TRDN: variants seen among roughly 807,000 people sequenced by gnomAD.
TRDN encodes the protein triadin.
A neutral mutation model predicts 149.7 loss-of-function variants in TRDN; 161 were observed. The ratio of observed to expected loss-of-function variants is 1.08; its 90% CI spans 0.95 to 1.23. The LOEUF is 1.23. Among genes scored for constraint, TRDN ranks in the 50% most tolerant of loss-of-function variants. The pLI is 0.00. For missense variants in TRDN, 896 were observed against 823.5 expected (o/e 1.09, Z -1.08); for synonymous variants, 294 against 250.5 (o/e 1.17, Z -1.64).
At chr6:123,597,846 A>G (rs1277639737) in intron 1 of TRDN, among the ~76,000 whole-genome samples, 2 of 151,954 alleles carry the variant, frequency 1.3e-5, no homozygotes, top group Non-Finnish European at 2.9e-5. Flanking sequence ...TAACTTTTAT[A>G]TGTACTGGGA....
chr6:123,635,719 C>A (rs1280459790), intron 1 of TRDN, among the ~76,000 whole-genome samples: 18 of 151,848 alleles, frequency 1.2e-4, no homozygotes, highest in Admixed American at 1.1e-3. Flanking sequence ...TTATTCAAAG[C>A]AAACCAGCAC....
chr6:123,540,838 G>A (rs998045081), intron 4 of TRDN, among the ~76,000 whole-genome samples: 1 of 152,196 alleles, frequency 6.6e-6, no homozygotes, highest in Non-Finnish European at 1.5e-5. Flanking sequence ...GGTCTCTCAT[G>A]AGCAAAAGAG....
At chr6:123,461,580 G>A (rs912757577) in intron 10 of TRDN, among the ~76,000 whole-genome samples, 1 of 152,128 alleles carries the variant, frequency 6.6e-6, no homozygotes, top group East Asian at 1.9e-4. Flanking sequence ...ATCTGGTATT[G>A]TTGATTAAAG....
intron 23 of TRDN, among the ~76,000 whole-genome samples, chr6:123,329,163 G>A (rs1261979031): frequency 1.3e-5 from 2 of 152,074 alleles, no homozygotes; most frequent in Admixed American, 6.6e-5. Context: ...AGTCCTGAAC[G>A]ACATTTTTAT....
At chr6:123,291,695 C>T (rs1778018746) in intron 24 of TRDN, among the ~76,000 whole-genome samples, 1 of 152,052 alleles carries the variant, frequency 6.6e-6, no homozygotes, top group Admixed American at 6.6e-5. Flanking sequence ...TAAAAACTTG[C>T]TATGATTAAA....
intron 19 of TRDN, among the ~76,000 whole-genome samples, chr6:123,374,522 A>C (rs1781434870): frequency 6.6e-6 from 1 of 152,192 alleles, no homozygotes; most frequent in Non-Finnish European, 1.5e-5. Context: ...ATTCATGTTA[A>C]ACCTCTCTTG....
chr6:123,507,482 C>T (rs1023720692), intron 7 of TRDN, among the ~76,000 whole-genome samples: 1 of 151,958 alleles, frequency 6.6e-6, no homozygotes, highest in Non-Finnish European at 1.5e-5. Context: ...AACTTTGCCT[C>T]ATAGTAGAAA....
chr6:123,385,596 G>T (rs1424893228), intron 14 of TRDN, among the ~76,000 whole-genome samples: 1 of 152,028 alleles, frequency 6.6e-6, no homozygotes, highest in Non-Finnish European at 1.5e-5. Flanking sequence ...ATTTTGCTTT[G>T]TTTTTCAGCA....
intron 12 of TRDN, among the ~76,000 whole-genome samples, chr6:123,432,041 C>T (rs868446046): frequency 1.3e-5 from 2 of 152,052 alleles, no homozygotes; most frequent in East Asian, 1.9e-4. Context: ...GAAATAGATA[C>T]GAATGTATCC....
At chr6:123,287,661 T>C (rs1777849015) in intron 24 of TRDN, among the ~76,000 whole-genome samples, 2 of 152,164 alleles carry the variant, frequency 1.3e-5, no homozygotes, top group South Asian at 2.1e-4. Flanking sequence ...CAGAGCATGC[T>C]TGTGTTGATC....
Position 123,630,649 on chromosome 6 carries a change from A to G in TRDN, c.22+6105T>C, listed in dbSNP as rs146287560. 6.7e-3 allele frequency among the ~76,000 whole-genome samples: 1,024 copies of G among 152,090 alleles called. 6 individuals carry two copies. Among genetic ancestry groups the G allele is most frequent in the Middle Eastern group, 0.031 (9 of 294 alleles). ...TCATAAACGGAACATTTTCATGGATACTATGTGCTTATGGGGTGGGGAGAA... is the reference window on the plus strand; with the variant it reads ...TCATAAACGGAACATTTTCATGGATGCTATGTGCTTATGGGGTGGGGAGAA... On this transcript the variant is annotated intron_variant, in intron 1 of 40. Transcript: ENST00000334268.
At chr6:123,582,737 C>T (rs1329125267) in intron 1 of TRDN, among the ~76,000 whole-genome samples, 2 of 152,062 alleles carry the variant, frequency 1.3e-5, no homozygotes, top group African/African-American at 4.8e-5. Flanking sequence ...GCCTGACATT[C>T]CTGTCTTCTT....
At chr6:123,332,851 A>G in intron 22 of TRDN, among the ~76,000 whole-genome samples, 1 of 152,088 alleles carries the variant, frequency 6.6e-6, no homozygotes, top group East Asian at 1.9e-4. Context: ...AACTGAGTCC[A>G]GATAGTTTTG....
chr6:123,588,282 T>C (rs1053002656), intron 1 of TRDN, among the ~76,000 whole-genome samples: 3 of 152,184 alleles, frequency 2.0e-5, no homozygotes, highest in Non-Finnish European at 4.4e-5. Context: ...TGTCACATGA[T>C]GCTATACTAG....
chr6:123,319,755 A>G (rs904402785), intron 23 of TRDN, among the ~76,000 whole-genome samples: 2 of 152,144 alleles, frequency 1.3e-5, no homozygotes, highest in African/African-American at 4.8e-5. Context: ...GAAATATGGA[A>G]CCAAAAAGTC....
chr6:123,283,597 T>G (rs1488486880), intron 24 of TRDN, among the ~76,000 whole-genome samples: 1 of 151,502 alleles, frequency 6.6e-6, no homozygotes, highest in African/African-American at 2.4e-5. Flanking sequence ...ATAAGCTCAA[T>G]TAGATACAAA....
At chr6:123,534,653 A>G (rs146432304) in intron 4 of TRDN, among the ~76,000 whole-genome samples, 63 of 152,336 alleles carry the variant, frequency 4.1e-4, no homozygotes, top group African/African-American at 1.4e-3. Flanking sequence ...GCAAAATCAA[A>G]TTTAAAAGAT....
intron 28 of TRDN, 124 bp from the exon 29 acceptor site, chr6:123,273,135 A>G (rs926075552): frequency 4.0e-6 from 3 of 752,228 alleles, no homozygotes; most frequent in African/African-American, 1.9e-5. Context: ...CCTTGTTTCT[A>G]TGTAAAACTT....
At chr6:123,243,164 G>C (rs1420361617) in intron 38 of TRDN, among the ~76,000 whole-genome samples, 1 of 152,082 alleles carries the variant, frequency 6.6e-6, no homozygotes, top group Non-Finnish European at 1.5e-5. Flanking sequence ...CCACTCTATT[G>C]AGAGTGGTCC....
Sources: allele counts gnomAD v4.1 joint callset (sites outside exome capture counted in the v4.1 genomes callset), GRCh38; gene constraint gnomAD v4.1.1; transcripts MANE v1.5; gene names NCBI Gene and HGNC (gene_info 2026-07-23, HGNC 2026-07-21).